The following ADAMTS17 variants were observed in gnomAD, a reference collection of about 807,000 sequenced individuals.
ADAMTS17 encodes the protein ADAM metallopeptidase with thrombospondin type 1 motif 17.
In ADAMTS17, 113 loss-of-function variants were observed where a neutral mutation model predicts 141.5. The ratio of observed to expected loss-of-function variants is 0.80; its 90% CI spans 0.69 to 0.93. The LOEUF is 0.93. Ranked by LOEUF, ADAMTS17 falls within the 40% of genes least tolerant of loss-of-function variation. The pLI, the probability that ADAMTS17 is intolerant of heterozygous loss-of-function variation, is 0.00. For synonymous variants in ADAMTS17, 768 were observed against 630.6 expected (o/e 1.22, Z -3.27); for missense variants, 1,659 against 1,517.9 (o/e 1.09, Z -1.54).
At chr15:100,059,310 C>T (rs1188277735) in intron 15 of ADAMTS17, among the ~76,000 whole-genome samples, 7 of 152,358 alleles carry the variant, frequency 4.6e-5, no homozygotes, top group South Asian at 2.1e-4. Flanking sequence ...CAAGTTCTGG[C>T]GCACTGCAAA....
chr15:100,318,210 T>A (rs1374912987), intron 3 of ADAMTS17, among the ~76,000 whole-genome samples: 1 of 152,040 alleles, frequency 6.6e-6, no homozygotes, highest in East Asian at 1.9e-4. Flanking sequence ...CATTCATGAA[T>A]AATTCATGAA....
chr15:100,329,872 A>C (rs1361442710), intron 3 of ADAMTS17, among the ~76,000 whole-genome samples: 3 of 152,242 alleles, frequency 2.0e-5, no homozygotes, highest in Non-Finnish European at 2.9e-5. Context: ...AGGTAATTCT[A>C]AAGCAGTCAC....
At chr15:100,310,722 C>T (rs937746223) in intron 3 of ADAMTS17, among the ~76,000 whole-genome samples, 4 of 152,196 alleles carry the variant, frequency 2.6e-5, no homozygotes, top group Admixed American at 6.5e-5. Flanking sequence ...GGAACACTCC[C>T]GGCTTTACTG....
intron 3 of ADAMTS17, among the ~76,000 whole-genome samples, chr15:100,322,468 A>C (rs551083167): frequency 1.3e-5 from 2 of 152,336 alleles, no homozygotes; most frequent in African/African-American, 4.8e-5. Flanking sequence ...GCCAGCTAAA[A>C]TACTCTCCAG....
intron 14 of ADAMTS17, among the ~76,000 whole-genome samples, chr15:100,100,935 C>T (rs924331109): frequency 2.6e-5 from 4 of 152,178 alleles, no homozygotes; most frequent in African/African-American, 7.2e-5. Context: ...CTTGTAAGCC[C>T]TCCCCCGGAA....
chr15:99,976,474 C>A, intron 20 of ADAMTS17: 2 of 601,808 alleles, frequency 3.3e-6, no homozygotes, highest in East Asian at 2.8e-5. Flanking sequence ...GTGTGTCATG[C>A]CCAGGCACTT....
At chr15:100,147,125 A>G (rs1253845185) in intron 10 of ADAMTS17, among the ~76,000 whole-genome samples, 1 of 152,080 alleles carries the variant, frequency 6.6e-6, no homozygotes, top group Non-Finnish European at 1.5e-5. Context: ...AAAATCCCTA[A>G]TAAAAACTTG....
intron 7 of ADAMTS17, among the ~76,000 whole-genome samples, chr15:100,213,839 G>A (rs190955391): frequency 4.9e-4 from 75 of 152,334 alleles, no homozygotes; most frequent in African/African-American, 1.7e-3. Flanking sequence ...AGTAGAGAAG[G>A]GCCATCTGGC....
intron 15 of ADAMTS17, among the ~76,000 whole-genome samples, chr15:100,094,167 A>C (rs964008303): frequency 6.6e-6 from 1 of 152,332 alleles, no homozygotes; most frequent in Admixed American, 6.5e-5. Flanking sequence ...CAGGTAGGTG[A>C]AGCGAACGTG....
At chr15:100,122,499 T>C (rs1393346027) in intron 12 of ADAMTS17, among the ~76,000 whole-genome samples, 3 of 152,204 alleles carry the variant, frequency 2.0e-5, no homozygotes, top group Non-Finnish European at 4.4e-5. Context: ...GCGGGCCTCC[T>C]GCATGTGCAG....
rs56246343 is a variant in ADAMTS17, at chr15:100,229,082, C to G, written c.1075+25054G>C. 2.2e-4 allele frequency among the ~76,000 whole-genome samples: 34 copies of G among 152,280 alleles called. 1 individual carries two copies. Among genetic ancestry groups the G allele is most frequent in the African/African-American group, 7.9e-4 (33 of 41,542 alleles). ...GTAATGCTCACAGACACTGTGACTA[C>G]CACTGGTTCCAAGCCTGGGAGGGGA... On this transcript the variant is annotated intron_variant, in intron 7 of 21. Transcript: ENST00000268070.
chr15:100,293,243 C>A (rs2044704201), intron 3 of ADAMTS17, among the ~76,000 whole-genome samples: 1 of 152,134 alleles, frequency 6.6e-6, no homozygotes, highest in African/African-American at 2.4e-5. Context: ...AGGCCAATGA[C>A]AGAGGTGGCC....
At chr15:100,274,446 G>A (rs145197734) in intron 4 of ADAMTS17, among the ~76,000 whole-genome samples, 1,690 of 152,122 alleles carry the variant, frequency 0.011, 13 homozygotes, top group Non-Finnish European at 0.017. Context: ...GAAGCTTTTT[G>A]ATTTAAAGTG....
intron 3 of ADAMTS17, among the ~76,000 whole-genome samples, chr15:100,295,357 T>G (rs1336729675): frequency 6.6e-6 from 1 of 152,126 alleles, no homozygotes; most frequent in Non-Finnish European, 1.5e-5. Context: ...CCTGCTGAGC[T>G]CTGTCAATAG....
chr15:100,201,511 A>G (rs1230606841), intron 7 of ADAMTS17, among the ~76,000 whole-genome samples: 1 of 152,186 alleles, frequency 6.6e-6, no homozygotes, highest in African/African-American at 2.4e-5. Flanking sequence ...AAAACAGACT[A>G]ATACATCCTC....
intron 10 of ADAMTS17, among the ~76,000 whole-genome samples, chr15:100,146,032 G>C (rs2038886690): frequency 6.6e-6 from 1 of 152,210 alleles, no homozygotes; most frequent in South Asian, 2.1e-4. Context: ...AATTAGCTGG[G>C]TGTGGTGGCG....
intron 8 of ADAMTS17, among the ~76,000 whole-genome samples, chr15:100,169,800 G>A (rs1418282360): frequency 7.2e-5 from 11 of 152,218 alleles, no homozygotes; most frequent in Admixed American, 7.2e-4. Flanking sequence ...ACGGGGCACT[G>A]GGACTCGCCT....
chr15:100,102,586 TACTGAAGGAGATCTACATTTGAAGGCCG>T (rs1567176472), intron 14 of ADAMTS17, among the ~76,000 whole-genome samples: 79 of 148,190 alleles, frequency 5.3e-4, no homozygotes, highest in Non-Finnish European at 8.9e-4. Context: ...TTTGAAGGCC[TACTGAAGGAGATCTACATTTGAAGGCCG>T]ACTGAAAGGG....
intron 7 of ADAMTS17, 106 bp from the exon 8 acceptor site, chr15:100,199,529 G>T: frequency 1.1e-6 from 1 of 921,094 alleles, no homozygotes; most frequent in Admixed American, 1.7e-5. Flanking sequence ...CAGGCACACG[G>T]CAACAATGGT....
Sources: gnomAD v4.1 joint callset for allele counts (sites outside exome capture counted in the v4.1 genomes callset) on GRCh38, gnomAD v4.1.1 for gene constraint, MANE v1.5 for transcripts, NCBI Gene and HGNC (gene_info 2026-07-23, HGNC 2026-07-21) for gene names.